Variants in AVEN observed in about 807,000 individuals in gnomAD.
The protein encoded by AVEN is cell death regulator Aven.
Under a neutral mutation model 38.1 loss-of-function variants are expected in AVEN, and 41 were observed. That is an observed-to-expected ratio of 1.08 (90% CI 0.84 to 1.40). AVEN has a LOEUF of 1.40. Ranked by LOEUF, AVEN falls within the 40% of genes most tolerant of loss-of-function variation. The pLI, the probability that AVEN is intolerant of heterozygous loss-of-function variation, is 0.00. For missense variants in AVEN, 605 were observed against 438.8 expected (o/e 1.38, Z -3.38); for synonymous variants, 206 against 171.8 (o/e 1.20, Z -1.56).
At chr15:34,020,565 C>T (rs1019788497) in intron 1 of AVEN, among the ~76,000 whole-genome samples, 1 of 152,202 alleles carries the variant, frequency 6.6e-6, no homozygotes, top group Admixed American at 6.5e-5. Context: ...CACACCACCT[C>T]ACAATTCTGA....
At chr15:34,072,776 C>A (rs922239749) in intron 1 of AVEN, among the ~76,000 whole-genome samples, 1 of 150,320 alleles carries the variant, frequency 6.7e-6, no homozygotes, top group Non-Finnish European at 1.5e-5. Flanking sequence ...CTCAGCCTCC[C>A]GAGTAGCTGA....
At position 33,957,755 on chromosome 15, in the gene AVEN, T is replaced by C. The variant is rs923630325; in HGVS notation, c.445+45277A>G. Among the ~76,000 whole-genome samples the C allele has an allele frequency of 6.6e-5, 10 of 150,518 alleles. No individual in the cohort carries two copies. In the East Asian group the frequency reaches 1.4e-3, roughly 20 times the overall value. On this transcript the variant is annotated intron_variant, in intron 2 of 5. Transcript: ENST00000306730. ...AAAAAAGCCAGACATAAGCGAATAC[T>C]GAATAATTCCATTTGTGCAGTCCAG... is the stretch of plus-strand genomic sequence containing the variant.
At chr15:33,870,133 A>T (rs1468351626) in intron 4 of AVEN, among the ~76,000 whole-genome samples, 1 of 152,152 alleles carries the variant, frequency 6.6e-6, no homozygotes, top group East Asian at 1.9e-4. Flanking sequence ...TATACCGTCA[A>T]ATCCTGTTAA....
chr15:34,043,964 T>C (rs1052622568), upstream of AVEN, among the ~76,000 whole-genome samples: 2 of 152,112 alleles, frequency 1.3e-5, no homozygotes, highest in Admixed American at 1.3e-4. Context: ...CTAGATCTTA[T>C]CTGTGATCAC....
chr15:34,048,585 G>A (rs557027928), intron 5 of AVEN, among the ~76,000 whole-genome samples: 12 of 152,014 alleles, frequency 7.9e-5, no homozygotes, highest in South Asian at 4.1e-4. Flanking sequence ...AGGGGCAGCC[G>A]CCATCTCTAC....
chr15:34,028,347 T>C (rs913728600), intron 1 of AVEN, among the ~76,000 whole-genome samples: 5 of 152,168 alleles, frequency 3.3e-5, no homozygotes, highest in African/African-American at 1.2e-4. Context: ...GGTGGTTCAC[T>C]TGAGCCCAGG....
chr15:34,027,033 A>T (rs1053734813), intron 1 of AVEN, among the ~76,000 whole-genome samples: 1 of 152,132 alleles, frequency 6.6e-6, no homozygotes, highest in African/African-American at 2.4e-5. Flanking sequence ...AATGATAAAG[A>T]CCTCTGCAAA....
intron 1 of AVEN, among the ~76,000 whole-genome samples, chr15:34,017,473 A>ATTTTTTTTTTT (rs200988059): frequency 9.9e-6 from 1 of 101,452 alleles, no homozygotes. Flanking sequence ...TTTCAGTATG[A>ATTTTTTTTTTT]TTTTTTTTTT....
chr15:34,073,512 CTTTTTTCTTTTTTT>C (rs1900672002), intron 1 of AVEN, among the ~76,000 whole-genome samples: 1 of 116,188 alleles, frequency 8.6e-6, no homozygotes, highest in Non-Finnish European at 1.6e-5. Context: ...CTTTTCTTTT[CTTTTTTCTTTTTTT>C]TTTTTTTTTT....
At chr15:34,020,172 G>A (rs1005390436) in intron 1 of AVEN, among the ~76,000 whole-genome samples, 4 of 152,166 alleles carry the variant, frequency 2.6e-5, no homozygotes, top group South Asian at 4.1e-4. Context: ...TTAGCCAGGC[G>A]TGGTGGTGGG....
At chr15:33,859,480 G>A (rs535348641) in intron 11 of AVEN, 4 of 1,432,216 alleles carry the variant, frequency 2.8e-6, no homozygotes, top group African/African-American at 2.8e-5. Flanking sequence ...GCTTAGGGCT[G>A]CCACAATCTG....
intron 2 of AVEN, among the ~76,000 whole-genome samples, chr15:33,912,802 C>T: frequency 6.6e-6 from 1 of 152,158 alleles, no homozygotes; most frequent in East Asian, 1.9e-4. Flanking sequence ...CTAAAATCCA[C>T]ATTTGGCTAG....
upstream of AVEN, among the ~76,000 whole-genome samples, chr15:34,042,227 T>C (rs920210979): frequency 6.6e-6 from 1 of 152,200 alleles, no homozygotes; most frequent in African/African-American, 2.4e-5. Flanking sequence ...TTTTGCTTGA[T>C]AGTCCTGATT....
intron 2 of AVEN, among the ~76,000 whole-genome samples, chr15:33,963,152 T>C (rs1247254210): frequency 1.3e-5 from 2 of 152,130 alleles, no homozygotes; most frequent in African/African-American, 2.4e-5. Flanking sequence ...AGCAGTAAAA[T>C]TAAATTAAAT....
intron 2 of AVEN, among the ~76,000 whole-genome samples, chr15:33,888,046 T>C (rs28407513): frequency 1.5e-3 from 227 of 152,086 alleles, no homozygotes; most frequent in South Asian, 3.1e-3. Flanking sequence ...GTAATAACTT[T>C]AAGGAGAAAA....
At chr15:34,017,655 T>C (rs1482467552) in intron 1 of AVEN, among the ~76,000 whole-genome samples, 1 of 152,044 alleles carries the variant, frequency 6.6e-6, no homozygotes, top group Admixed American at 6.6e-5. Context: ...AATTTTTGTA[T>C]TTTTAGTAGA....
chr15:33,883,105 A>G (rs1258846442), intron 2 of AVEN, among the ~76,000 whole-genome samples: 1 of 152,216 alleles, frequency 6.6e-6, no homozygotes, highest in Admixed American at 6.5e-5. Flanking sequence ...TTACTATTTG[A>G]GAAGACAAGC....
intron 1 of AVEN, among the ~76,000 whole-genome samples, chr15:34,021,371 T>C (rs1048133856): frequency 6.6e-6 from 1 of 151,792 alleles, no homozygotes; most frequent in Non-Finnish European, 1.5e-5. Flanking sequence ...CCACAACCTC[T>C]GCCTCCCGGG....
chr15:34,022,158 T>A (rs2702284), intron 1 of AVEN, among the ~76,000 whole-genome samples: 1 of 152,126 alleles, frequency 6.6e-6, no homozygotes, highest in Admixed American at 6.5e-5. Context: ...CTAGCTGAAC[T>A]GCTTTCTATT....
Sources: gnomAD v4.1 joint callset for allele counts (sites outside exome capture counted in the v4.1 genomes callset) on GRCh38, gnomAD v4.1.1 for gene constraint, MANE v1.5 for transcripts, NCBI Gene and HGNC (gene_info 2026-07-23, HGNC 2026-07-21) for gene names.